TTLL9: variants seen among roughly 807,000 people sequenced by gnomAD.
TTLL9 encodes probable tubulin polyglutamylase TTLL9.
In TTLL9, 47 loss-of-function variants were observed where a neutral mutation model predicts 65.6. The observed-to-expected ratio is 0.72, with a 90% CI of 0.57 to 0.91. The LOEUF (loss-of-function observed/expected upper bound fraction) is 0.91, where lower values mean the gene tolerates loss of function less well. Ranked by LOEUF, TTLL9 falls within the 40% of genes least tolerant of loss-of-function variation. The pLI is 0.00. For missense variants in TTLL9, 537 were observed against 568.8 expected (o/e 0.94, Z 0.57); for synonymous variants, 179 against 204.8 (o/e 0.87, Z 1.07).
At chr20:31,934,388 T>C (rs1476120699) in intron 11 of TTLL9, 2 of 567,504 alleles carry the variant, frequency 3.5e-6, no homozygotes, top group East Asian at 4.2e-5. Context: ...GGTCACTCCT[T>C]GGCCTTGGGA....
Position 31,939,454 on chromosome 20 carries a change from A to G in TTLL9, c.1243+188A>G, listed in dbSNP as rs1568847180. ...TTAAACTTGGTTTCTAAAAAGTGAAAACTTTCCCTGATTATAAAAAAGGGA... is the reference window on the plus strand; with the variant it reads ...TTAAACTTGGTTTCTAAAAAGTGAAGACTTTCCCTGATTATAAAAAAGGGA... On this transcript the variant is annotated intron_variant, in intron 14 of 14. Transcript: ENST00000535842. 6 of 546,956 alleles carry G rather than the reference A, an allele frequency of 1.1e-5. No homozygotes were observed. The East Asian group carries it at 2.1e-4, about 19-fold the overall frequency. The allele number at this position is 546,956 out of a possible 1,614,324, so 33.9% of individuals were successfully genotyped here. A position where few individuals can be genotyped will look rare whatever the true frequency, so the allele number is the denominator to read the frequency against.
chr20:31,925,259 G>T (rs1020919751), intron 9 of TTLL9, among the ~76,000 whole-genome samples: 2 of 152,148 alleles, frequency 1.3e-5, no homozygotes, highest in Non-Finnish European at 2.9e-5. Flanking sequence ...GTCTAGATTT[G>T]CCCTCTCTCT....
intron 12 of TTLL9, among the ~76,000 whole-genome samples, chr20:31,935,677 G>A (rs6142580): frequency 5.3e-5 from 8 of 152,228 alleles, no homozygotes; most frequent in African/African-American, 1.9e-4. Context: ...CTGGCATTAA[G>A]GTGGACGTGG....
intron 2 of TTLL9, among the ~76,000 whole-genome samples, chr20:31,886,827 C>T (rs922968203): frequency 2.6e-5 from 4 of 152,038 alleles, no homozygotes; most frequent in African/African-American, 9.7e-5. Flanking sequence ...TCAACAACAA[C>T]AACAACAACA....
At chr20:31,879,227 A>T (rs896667339) in intron 2 of TTLL9, among the ~76,000 whole-genome samples, 4 of 152,224 alleles carry the variant, frequency 2.6e-5, no homozygotes, top group African/African-American at 9.7e-5. Context: ...AGGCTGAAGC[A>T]GGAGGATCAC....
intron 6 of TTLL9, among the ~76,000 whole-genome samples, chr20:31,911,558 C>T (rs566907546): frequency 1.3e-5 from 2 of 152,326 alleles, no homozygotes; most frequent in South Asian, 4.1e-4. Context: ...CCTGGCCCAT[C>T]CTGCATCTCT....
chr20:31,917,304 A>G (rs1318264260), intron 6 of TTLL9, among the ~76,000 whole-genome samples: 2 of 152,126 alleles, frequency 1.3e-5, no homozygotes, highest in Non-Finnish European at 2.9e-5. Context: ...TATAATTGGA[A>G]TCTTATAGGA....
At chr20:31,939,381 A>C (rs2064170167) in intron 14 of TTLL9, 115 bp downstream of exon 14, 1 of 1,267,838 alleles carries the variant, frequency 7.9e-7, no homozygotes, top group Non-Finnish European at 1.1e-6. Context: ...TCTGCAACTT[A>C]CCAGCTGTGT....
intron 10 of TTLL9, among the ~76,000 whole-genome samples, chr20:31,932,362 C>T (rs2064031066): frequency 1.3e-5 from 2 of 151,124 alleles, no homozygotes; most frequent in South Asian, 2.1e-4. Context: ...GTCCCACCTA[C>T]TTGGGAGGCT....
At chr20:31,891,312 A>C (rs1013783757) in intron 3 of TTLL9, among the ~76,000 whole-genome samples, 1 of 152,192 alleles carries the variant, frequency 6.6e-6, no homozygotes, top group Non-Finnish European at 1.5e-5. Context: ...CCCCATCAGC[A>C]TTGTAAGATA....
chr20:31,870,689 G>T lies in TTLL9; in HGVS notation c.-266G>T, dbSNP rs2062907163. The T allele has an allele frequency of 2.0e-6, 2 of 980,300 alleles. No homozygotes were observed. The highest frequency in any genetic ancestry group is 2.7e-6 in the Non-Finnish European group (2 of 743,272). The allele number at this position is 980,300 out of a possible 1,614,324, so 60.7% of individuals were successfully genotyped here. On this transcript the variant is annotated 5_prime_UTR_variant, in exon 1 of 15. Transcript: ENST00000535842. The surrounding 1 kb of genome is among the most constrained non-coding windows in gnomAD (Gnocchi z 6.6). ...CGGCAGTTTGTTGGGGCCGCGTGGG[G>T]CCGCCACCTCCGGAGGTGGGGGCGG...
intron 2 of TTLL9, among the ~76,000 whole-genome samples, chr20:31,884,426 C>T (rs2063160035): frequency 6.6e-6 from 1 of 152,102 alleles, no homozygotes; most frequent in African/African-American, 2.4e-5. Context: ...GGGGTTTCAC[C>T]ATGTTGGCCA....
At chr20:31,925,890 C>G in intron 9 of TTLL9, 159 bp from the exon 10 acceptor site, 1 of 1,551,860 alleles carries the variant, frequency 6.4e-7, no homozygotes, top group Non-Finnish European at 8.7e-7. Flanking sequence ...CGCTGCGGGC[C>G]TGGCTCTACC....
At chr20:31,916,800 C>T (rs1404186351) in intron 6 of TTLL9, among the ~76,000 whole-genome samples, 2 of 152,172 alleles carry the variant, frequency 1.3e-5, no homozygotes, top group Non-Finnish European at 2.9e-5. Flanking sequence ...TCCCCTTTCT[C>T]CCCAGCTCCT....
chr20:31,915,068 A>G (rs2063713631), intron 6 of TTLL9, among the ~76,000 whole-genome samples: 1 of 152,246 alleles, frequency 6.6e-6, no homozygotes, highest in Admixed American at 6.5e-5. Context: ...AGCATAAACA[A>G]TATTTTGAGA....
chr20:31,874,873 G>A (rs761172309), intron 2 of TTLL9, among the ~76,000 whole-genome samples: 1 of 152,124 alleles, frequency 6.6e-6, no homozygotes, highest in Admixed American at 6.5e-5. Context: ...TTTGCAGATC[G>A]AAGGGGGCCC....
At chr20:31,914,900 CAGTT>C (rs1364066009) in intron 6 of TTLL9, among the ~76,000 whole-genome samples, 1 of 152,220 alleles carries the variant, frequency 6.6e-6, no homozygotes, top group Non-Finnish European at 1.5e-5. Flanking sequence ...CACTCTCAGT[CAGTT>C]ACTCTGTTGG....
Position 31,935,402 on chromosome 20 carries a change from G to T in TTLL9, c.1004+514G>T, listed in dbSNP as rs2064093131. Among the ~76,000 whole-genome samples the T allele has an allele frequency of 2.0e-5, 3 of 152,222 alleles. No homozygotes were observed. The South Asian group carries it at 6.2e-4, about 31-fold the overall frequency. ...GCAACAGGACACAGAAGCCCAGTGAGGGTCAGGGAGCTTGAGGTCATGTAG... is the reference window on the plus strand; with the variant it reads ...GCAACAGGACACAGAAGCCCAGTGATGGTCAGGGAGCTTGAGGTCATGTAG... On this transcript the variant is annotated intron_variant, in intron 12 of 14. Coordinates refer to ENST00000535842, the MANE Select transcript of TTLL9 (RefSeq NM_001008409.5).
At chr20:31,889,571 C>T (rs1193260516) in intron 3 of TTLL9, among the ~76,000 whole-genome samples, 4 of 151,874 alleles carry the variant, frequency 2.6e-5, no homozygotes, top group South Asian at 2.1e-4. Flanking sequence ...TACAGGCACC[C>T]ATCACCACAC....
Sources: gnomAD v4.1 joint callset for allele counts (sites outside exome capture counted in the v4.1 genomes callset) on GRCh38, gnomAD v4.1.1 for gene constraint, Gnocchi (gnomAD v3.1) non-coding constraint, MANE v1.5 for transcripts, NCBI Gene and HGNC (gene_info 2026-07-23, HGNC 2026-07-21) for gene names.